MGAM2: variants seen among roughly 807,000 people sequenced by gnomAD.
MGAM2 encodes maltase-glucoamylase 2 (putative).
MGAM2 carries 98 observed loss-of-function variants against 96.1 expected under a neutral mutation model. That is an observed-to-expected ratio of 1.02 (90% CI 0.87 to 1.21). The LOEUF (loss-of-function observed/expected upper bound fraction) is 1.21, where lower values mean the gene tolerates loss of function less well. Among genes scored for constraint, MGAM2 ranks in the 50% most tolerant of loss-of-function variants. The pLI is 0.00. For missense variants in MGAM2, 2,055 were observed against 1,182.4 expected (o/e 1.74, Z -10.82); for synonymous variants, 749 against 414.8 (o/e 1.81, Z -9.79).
At position 142,132,156 on chromosome 7, in the gene MGAM2, G is replaced by T. The variant is rs189667497; in HGVS notation, c.575+71G>T. The T allele has an allele frequency of 1.0e-3, 608 of 605,308 alleles. 2 individuals carry two copies. The African/African-American group carries it at 0.01, about 10-fold the overall frequency. The allele number at this position is 605,308 out of a possible 1,614,324, so 37.5% of individuals were successfully genotyped here. On this transcript the variant is annotated intron_variant, in intron 6 of 47. Coordinates refer to ENST00000477922, the MANE Select transcript of MGAM2 (RefSeq NM_001293626.2). ...AATATTACTCATTCTGATTTACTGG[G>T]GGTGGGCAGTGAAATCAGTACAACT...
intron 1 of MGAM2, among the ~76,000 whole-genome samples, chr7:142,114,177 A>G (rs977193682): frequency 7.0e-5 from 9 of 128,972 alleles, no homozygotes; most frequent in African/African-American, 2.7e-4. Context: ...AAAGAAAGAA[A>G]GAAAGAAAGA....
At chr7:142,125,128 G>T (rs1397744452) in intron 3 of MGAM2, among the ~76,000 whole-genome samples, 1 of 152,138 alleles carries the variant, frequency 6.6e-6, no homozygotes, top group Non-Finnish European at 1.5e-5. Context: ...GTAGGTTTTA[G>T]AAAATGGAAC....
rs1795340566 is a variant in MGAM2, at chr7:142,144,960, G to A, written c.1516+15G>A. ...TTTTCTTCCTAGTAAGTTTTCACCTGTTTGCTATGACGTAGGAATAAGCCA... is the reference window on the plus strand; with the variant it reads ...TTTTCTTCCTAGTAAGTTTTCACCTATTTGCTATGACGTAGGAATAAGCCA... On this transcript the variant is annotated intron_variant, in intron 14 of 47. Coordinates refer to ENST00000477922, the MANE Select transcript of MGAM2 (RefSeq NM_001293626.2). 1.4e-6 allele frequency: 1 copy of A among 702,424 alleles called. No individual in the cohort carries two copies. The highest frequency in any genetic ancestry group is 2.6e-6 in the Non-Finnish European group (1 of 384,736). The allele number at this position is 702,424 out of a possible 1,614,324, so 43.5% of individuals were successfully genotyped here. A position where few individuals can be genotyped will look rare whatever the true frequency, so the allele number is the denominator to read the frequency against.
intron 15 of MGAM2, among the ~76,000 whole-genome samples, chr7:142,153,252 A>C (rs969424512): frequency 6.6e-6 from 1 of 152,098 alleles, no homozygotes; most frequent in African/African-American, 2.4e-5. Context: ...CACCCGCCTC[A>C]GCCTCCCAAA....
chr7:142,202,017 A>G (rs1043075567), intron 45 of MGAM2, among the ~76,000 whole-genome samples: 1 of 152,252 alleles, frequency 6.6e-6, no homozygotes, highest in African/African-American at 2.4e-5. Flanking sequence ...TTTACATGCA[A>G]CAGCATGGAT....
At chr7:142,119,553 A>G (rs1201507276) in intron 2 of MGAM2, among the ~76,000 whole-genome samples, 1 of 152,234 alleles carries the variant, frequency 6.6e-6, no homozygotes, top group Non-Finnish European at 1.5e-5. Flanking sequence ...ACTTCTAGGT[A>G]TATAACCAAG....
rs544391794 is a variant in MGAM2, at chr7:142,198,930, G to A, written c.5048+191G>A. 3.3e-5 allele frequency among the ~76,000 whole-genome samples: 5 copies of A among 152,318 alleles called. No individual in the cohort carries two copies. In the East Asian group the frequency reaches 9.6e-4, roughly 29 times the overall value. ...AGATGAGTTCATAAAGTTAGTCTTAGGGATATATATACACACATATATTTT... is the reference window on the plus strand; with the variant it reads ...AGATGAGTTCATAAAGTTAGTCTTAAGGATATATATACACACATATATTTT... On this transcript the variant is annotated intron_variant, in intron 44 of 47. Coordinates refer to ENST00000477922, the MANE Select transcript of MGAM2 (RefSeq NM_001293626.2).
chr7:142,220,771 CAAG>C lies in MGAM2; in HGVS notation c.6261_6263del (p.Ser2089del). The stretch of plus-strand genomic sequence containing the variant: ...CCTAATACCACTATGCCTTCTCCTA[CAAG>C]TAGTACTACTGTGAGTACTATTGCT... On this transcript the variant is annotated inframe_deletion, in exon 48 of 48. Coordinates refer to ENST00000477922, the MANE Select transcript of MGAM2 (RefSeq NM_001293626.2). 1.4e-6 allele frequency: 1 copy of C among 702,226 alleles called. No homozygotes were observed. Among genetic ancestry groups the C allele is most frequent in the Non-Finnish European group, 2.6e-6 (1 of 384,808 alleles). The allele number at this position is 702,226 out of a possible 1,614,324, so 43.5% of individuals were successfully genotyped here.
intron 2 of MGAM2, among the ~76,000 whole-genome samples, chr7:142,117,777 C>T (rs553990871): frequency 6.6e-6 from 1 of 152,278 alleles, no homozygotes; most frequent in African/African-American, 2.4e-5. Context: ...TACTTCTCCC[C>T]TCTAACACAT....
At chr7:142,176,330 G>A (rs1004000699) in intron 32 of MGAM2, among the ~76,000 whole-genome samples, 3 of 152,110 alleles carry the variant, frequency 2.0e-5, no homozygotes, top group African/African-American at 7.2e-5. Context: ...AAATGCAGAG[G>A]CAATTACCTG....
rs1409796101 is a variant in MGAM2, at chr7:142,208,628, A to T, written c.5187+6A>T. On this transcript the variant is annotated splice_donor_region_variant and intron_variant, in intron 46 of 47. Coordinates refer to ENST00000477922, the MANE Select transcript of MGAM2 (RefSeq NM_001293626.2). Reference sequence around the variant, plus strand: ...CAAACTTTATAGCAGCTCAGGTAAGACTAATTTACTACATTTTACAAATCT... The same window carrying T: ...CAAACTTTATAGCAGCTCAGGTAAGTCTAATTTACTACATTTTACAAATCT... 5.7e-6 allele frequency: 4 copies of T among 702,416 alleles called. No homozygotes were observed. The highest frequency in any genetic ancestry group is 1.0e-5 in the Non-Finnish European group (4 of 384,788). 43.5% of individuals were successfully genotyped at this position (702,416 alleles called of 1,614,324 possible). A position where few individuals can be genotyped will look rare whatever the true frequency, so the allele number is the denominator to read the frequency against.
intron 35 of MGAM2, among the ~76,000 whole-genome samples, 194 bp downstream of exon 35, chr7:142,186,317 C>T (rs1418850067): frequency 6.6e-6 from 1 of 152,036 alleles, no homozygotes; most frequent in Non-Finnish European, 1.5e-5. Flanking sequence ...GACATATTGT[C>T]TGGTGGATGT....
intron 14 of MGAM2, among the ~76,000 whole-genome samples, chr7:142,146,814 G>T (rs12672838): frequency 0.37 from 56,003 of 150,352 alleles, 10,933 homozygotes; most frequent in East Asian, 0.48. Flanking sequence ...TGCCACCTCC[G>T]CCTCCCGGGC....
intron 17 of MGAM2, among the ~76,000 whole-genome samples, chr7:142,155,141 A>G (rs1795700407): frequency 6.6e-6 from 1 of 152,190 alleles, no homozygotes; most frequent in Admixed American, 6.5e-5. Context: ...GGATAGGACA[A>G]TTGGAATTTG....
intron 28 of MGAM2, among the ~76,000 whole-genome samples, 163 bp downstream of exon 28, chr7:142,171,603 GGCATATAT>G (rs1563274099): frequency 1.7e-5 from 1 of 57,596 alleles, no homozygotes; most frequent in Non-Finnish European, 3.2e-5. Flanking sequence ...GTCCCTAAAA[GGCATATAT>G]ATATATATAT....
intron 12 of MGAM2, among the ~76,000 whole-genome samples, chr7:142,143,365 A>G (rs776362442): frequency 1.2e-3 from 186 of 152,342 alleles, no homozygotes; most frequent in Non-Finnish European, 2.1e-3. Context: ...ATATCAACAC[A>G]TTATTTATAA....
chr7:142,204,615 A>AAT (rs1797341266), intron 45 of MGAM2, among the ~76,000 whole-genome samples: 1 of 152,192 alleles, frequency 6.6e-6, no homozygotes, highest in South Asian at 2.1e-4. Flanking sequence ...CCTATGTTGT[A>AAT]ATTTTATGAG....
intron 45 of MGAM2, among the ~76,000 whole-genome samples, chr7:142,202,498 C>T (rs1049911781): frequency 1.3e-5 from 2 of 152,066 alleles, no homozygotes; most frequent in African/African-American, 4.8e-5. Flanking sequence ...CCTGCAGTGT[C>T]TATTGTTCTC....
At chr7:142,115,903 C>T (rs1013691947) in intron 1 of MGAM2, among the ~76,000 whole-genome samples, 1 of 152,124 alleles carries the variant, frequency 6.6e-6, no homozygotes, top group Admixed American at 6.6e-5. Flanking sequence ...AGTAAAAGGA[C>T]ATTGCTCATT....
Sources: gnomAD v4.1 joint callset for allele counts (sites outside exome capture counted in the v4.1 genomes callset) on GRCh38, gnomAD v4.1.1 for gene constraint, MANE v1.5 for transcripts, NCBI Gene and HGNC (gene_info 2026-07-23, HGNC 2026-07-21) for gene names.